CADPS: variants seen among roughly 807,000 people sequenced by gnomAD.
The protein encoded by CADPS is calcium dependent secretion activator.
CADPS carries 57 observed loss-of-function variants against 167.3 expected under a neutral mutation model. The ratio of observed to expected loss-of-function variants is 0.34; its 90% CI spans 0.28 to 0.42. The LOEUF (loss-of-function observed/expected upper bound fraction) is 0.42, where lower values mean the gene tolerates loss of function less well. Ranked by LOEUF, CADPS falls within the 20% of genes least tolerant of loss-of-function variation. CADPS has a pLI of 1.00. For synonymous variants in CADPS, 676 were observed against 635.3 expected, an observed-to-expected ratio of 1.06 and a Z score of -0.96; for missense variants, 1,414 against 1,738.1, an observed-to-expected ratio of 0.81 and a Z score of 3.32.
At chr3:62,854,687 G>C (rs1361005156) in intron 1 of CADPS, among the ~76,000 whole-genome samples, 2 of 152,116 alleles carry the variant, frequency 1.3e-5, no homozygotes, top group African/African-American at 4.8e-5. Flanking sequence ...GTAACAAGAA[G>C]TTCTATTTTT....
chr3:62,617,855 G>A (rs182127103), intron 6 of CADPS, among the ~76,000 whole-genome samples: 209 of 152,206 alleles, frequency 1.4e-3, no homozygotes, highest in Admixed American at 9.7e-3. Flanking sequence ...AATTGGTGAA[G>A]TAGGCAAAGT....
chr3:62,617,359 T>C (rs2062479257), intron 6 of CADPS, among the ~76,000 whole-genome samples: 1 of 152,106 alleles, frequency 6.6e-6, no homozygotes, highest in Admixed American at 6.6e-5. Context: ...AAAAAATATA[T>C]GGATGAACAG....
intron 3 of CADPS, among the ~76,000 whole-genome samples, chr3:62,709,677 C>T (rs918550768): frequency 2.6e-5 from 4 of 152,126 alleles, no homozygotes; most frequent in African/African-American, 7.2e-5. Flanking sequence ...TGGGTGGAGC[C>T]TGGAAGCCAT....
At chr3:62,566,410 T>C (rs925540940) in intron 9 of CADPS, among the ~76,000 whole-genome samples, 2 of 69,196 alleles carry the variant, frequency 2.9e-5, no homozygotes, top group Non-Finnish European at 7.4e-5. Flanking sequence ...ACCGCTTGGA[T>C]TGACATCCTT....
chr3:62,751,944 T>C (rs957539120), intron 3 of CADPS, among the ~76,000 whole-genome samples: 67 of 152,166 alleles, frequency 4.4e-4, no homozygotes, highest in African/African-American at 1.6e-3. Context: ...TAACAATGGA[T>C]TCACTCCAAT....
In CADPS at chr3:62,585,286, T is replaced by C. The variant is rs1319487826; in HGVS notation, c.1476A>G (p.Ser492=). The change falls in exon 8 of 30, where the codon TCA becomes TCG. Residue 492 remains serine (S), a synonymous_variant. Coordinates refer to ENST00000383710, the MANE Select transcript of CADPS (RefSeq NM_003716.4). ...TGGAGACTGTCATTTTGTGCCACTC[T>C]GACTGTTTGGGGCTGTTCGGGGTGG... The part of the protein sequence containing the change: ...LHPTPNSPKQ[S]EWHKMTVSKN... 1 of 1,613,690 alleles carries C rather than the reference T, an allele frequency of 6.2e-7. No homozygotes were observed. Among genetic ancestry groups the C allele is most frequent in the African/African-American group, 1.3e-5 (1 of 74,908 alleles).
At position 62,775,642 on chromosome 3, in the gene CADPS, C is replaced by T. The variant is rs185137829; in HGVS notation, c.442-9658G>A. Among the ~76,000 whole-genome samples the T allele has an allele frequency of 2.5e-3, 381 of 152,264 alleles. 1 individual carries two copies. Among genetic ancestry groups the T allele is most frequent in the Non-Finnish European group, 4.3e-3 (295 of 68,024 alleles). ...CTTTCTAGAAAACATCTATGAAATA[C>T]CTACATTTGTCTGTTGATTGTTTTT... On this transcript the variant is annotated intron_variant, in intron 1 of 29. Coordinates refer to ENST00000383710, the MANE Select transcript of CADPS (RefSeq NM_003716.4).
chr3:62,515,781 C>T (rs1213402584), intron 16 of CADPS, among the ~76,000 whole-genome samples: 1 of 152,114 alleles, frequency 6.6e-6, no homozygotes, highest in Non-Finnish European at 1.5e-5. Flanking sequence ...TTAGGGCCAA[C>T]ACAGACTCTC....
chr3:62,556,155 A>G (rs915100223), intron 10 of CADPS, among the ~76,000 whole-genome samples: 11 of 152,200 alleles, frequency 7.2e-5, no homozygotes, highest in Admixed American at 6.5e-4. Context: ...CTGGTTTCCT[A>G]AGGCAGGAGC....
chr3:62,536,113 C>T, intron 12 of CADPS: 1 of 220,922 alleles, frequency 4.5e-6, no homozygotes, highest in Non-Finnish European at 9.0e-6. Flanking sequence ...ATCTTAAACT[C>T]TAAGCTACTG....
chr3:62,727,885 T>C (rs1378851983), intron 3 of CADPS, among the ~76,000 whole-genome samples: 1 of 151,944 alleles, frequency 6.6e-6, no homozygotes, highest in Non-Finnish European at 1.5e-5. Flanking sequence ...CTGATAGTCT[T>C]GTTCTTTTTC....
intron 10 of CADPS, among the ~76,000 whole-genome samples, chr3:62,555,321 T>A (rs1368752474): frequency 6.6e-6 from 1 of 152,240 alleles, no homozygotes; most frequent in Admixed American, 6.5e-5. Context: ...GCACAGTTAC[T>A]CCTTACACAT....
intron 3 of CADPS, among the ~76,000 whole-genome samples, chr3:62,672,325 G>A (rs188416517): frequency 7.9e-5 from 12 of 152,142 alleles, no homozygotes; most frequent in Admixed American, 6.6e-5. Context: ...CATGAAGTAC[G>A]AATTTAACTC....
chr3:62,772,018 G>A (rs554742690), intron 1 of CADPS, among the ~76,000 whole-genome samples: 1 of 152,270 alleles, frequency 6.6e-6, no homozygotes, highest in East Asian at 1.9e-4. Context: ...TCTGTAAATA[G>A]GGGAAAGCAA....
intron 8 of CADPS, among the ~76,000 whole-genome samples, chr3:62,574,247 G>A (rs866881479): frequency 6.6e-6 from 1 of 152,174 alleles, no homozygotes; most frequent in African/African-American, 2.4e-5. Flanking sequence ...CAGATCGCCA[G>A]TATGCTGATT....
chr3:62,425,390 C>T (rs938247475), intron 28 of CADPS, among the ~76,000 whole-genome samples: 1 of 152,110 alleles, frequency 6.6e-6, no homozygotes, highest in Admixed American at 6.5e-5. Flanking sequence ...GACAAAATCA[C>T]CCACAATGGA....
chr3:62,865,507 G>A (rs1274675962), intron 1 of CADPS, among the ~76,000 whole-genome samples: 1 of 151,554 alleles, frequency 6.6e-6, no homozygotes, highest in Middle Eastern at 3.5e-3. Context: ...CTGTTGAAAA[G>A]ACATCAATAT....
chr3:62,875,054 C>G lies in CADPS; in HGVS notation c.-25G>C. The G allele has an allele frequency of 1.3e-6, 2 of 1,567,398 alleles. No homozygotes were observed. Among genetic ancestry groups the G allele is most frequent in the Non-Finnish European group, 1.7e-6 (2 of 1,155,990 alleles). On this transcript the variant is annotated 5_prime_UTR_variant, in exon 1 of 30. Coordinates refer to ENST00000383710, the MANE Select transcript of CADPS (RefSeq NM_003716.4). ...TAGTGGCGCCTGGGGAGCGGGGTCT[C>G]TGGAGCCCCCGGCTTGGAGTGCAAA...
chr3:62,481,596 G>T, intron 22 of CADPS, 127 bp downstream of exon 22: 1 of 860,394 alleles, frequency 1.2e-6, no homozygotes, highest in Non-Finnish European at 1.7e-6. Context: ...GTCTCTGTAT[G>T]ATCAGCAAAA....
Sources: gnomAD v4.1 joint callset for allele counts (sites outside exome capture counted in the v4.1 genomes callset) on GRCh38, gnomAD v4.1.1 for gene constraint, MANE v1.5 for transcripts, NCBI Gene and HGNC (gene_info 2026-07-23, HGNC 2026-07-21) for gene names.